Variants in TSEN54 observed in about 807,000 individuals in gnomAD.
TSEN54 encodes the protein tRNA-splicing endonuclease subunit Sen54.
TSEN54 carries 55 observed loss-of-function variants against 61.9 expected under a neutral mutation model. That is an observed-to-expected ratio of 0.89 (90% CI 0.72 to 1.11). The LOEUF is 1.11. Ranked by LOEUF, TSEN54 falls within the 50% of genes most tolerant of loss-of-function variation. The pLI, the probability that TSEN54 is intolerant of heterozygous loss-of-function variation, is 0.00. For missense variants in TSEN54, 760 were observed against 687.7 expected, an observed-to-expected ratio of 1.11 and a Z score of -1.18; for synonymous variants, 304 against 288.7, an observed-to-expected ratio of 1.05 and a Z score of -0.54.
At chr17:75,519,889 C>A (rs2053409862) in intron 6 of TSEN54, among the ~76,000 whole-genome samples, 1 of 152,200 alleles carries the variant, frequency 6.6e-6, no homozygotes, top group African/African-American at 2.4e-5. Flanking sequence ...CTTTTCTTTT[C>A]TGAAAGTGGA....
chr17:75,517,832 G>C (rs2053390323), intron 5 of TSEN54, among the ~76,000 whole-genome samples, 177 bp downstream of exon 5: 3 of 152,242 alleles, frequency 2.0e-5, no homozygotes, highest in African/African-American at 7.2e-5. Context: ...ATAGACCCCA[G>C]TGCTGTCAGA....
rs1001810738 is a variant in TSEN54 at position 75,524,656 on chromosome 17, A to G, written c.*244A>G. 1.6e-5 allele frequency: 10 copies of G among 615,052 alleles called. No homozygotes were observed. The highest frequency in any genetic ancestry group is 2.9e-5 in the Non-Finnish European group (10 of 339,708). The allele number at this position is 615,052 out of a possible 1,614,324, so 38.1% of individuals were successfully genotyped here. A position where few individuals can be genotyped will look rare whatever the true frequency, so the allele number is the denominator to read the frequency against. On this transcript the variant is annotated 3_prime_UTR_variant, in exon 11 of 11. Coordinates refer to ENST00000333213, the MANE Select transcript of TSEN54 (RefSeq NM_207346.3). ...TTAAGGACCCAGGAGGTGGGGCAGA[A>G]GAGAGGACTGTGTGCCTTTAACGAG...
chr17:75,523,382 A>C (rs1469490628), intron 9 of TSEN54, 47 bp downstream of exon 9: 1 of 1,613,244 alleles, frequency 6.2e-7, no homozygotes, highest in Non-Finnish European at 8.5e-7. Context: ...GACCGCCAGG[A>C]GTTGGTGGTT....
intron 10 of TSEN54, among the ~76,000 whole-genome samples, 182 bp from the exon 11 acceptor site, chr17:75,524,080 T>TC (rs1460544470): frequency 2.0e-5 from 3 of 152,198 alleles, no homozygotes; most frequent in Non-Finnish European, 2.9e-5. Flanking sequence ...ACCTTGCTCT[T>TC]CCTAGCACCT....
intron 6 of TSEN54, 114 bp from the exon 7 acceptor site, chr17:75,521,295 T>G: frequency 1.1e-6 from 1 of 880,260 alleles, no homozygotes; most frequent in South Asian, 1.4e-5. Context: ...CACTTGGGTG[T>G]GGCTCCGATC....
At chr17:75,519,068 C>T in intron 6 of TSEN54, 21 bp downstream of exon 6, 10 of 1,613,828 alleles carry the variant, frequency 6.2e-6, no homozygotes, top group Non-Finnish European at 7.6e-6. Context: ...TTCCTGTTCC[C>T]CTTCCATATA....
At chr17:75,517,786 G>C in intron 5 of TSEN54, 131 bp downstream of exon 5, 1 of 803,404 alleles carries the variant, frequency 1.2e-6, no homozygotes, top group Non-Finnish European at 2.1e-6. Context: ...ATGCTGTCAC[G>C]AGGCTTACAT....
In TSEN54 at chr17:75,521,265, G is replaced by C; in HGVS notation, c.522-144G>C. On this transcript the variant is annotated intron_variant, in intron 6 of 10. Coordinates refer to ENST00000333213, the MANE Select transcript of TSEN54 (RefSeq NM_207346.3). ...CTGGCTGGGCCTGTACCCCTCATGG[G>C]GGTCTGCTTAGGGCCTTAGCACTTG... 4 of 727,470 alleles carry C rather than the reference G, an allele frequency of 5.5e-6. No individual in the cohort carries two copies. In the East Asian group the frequency reaches 1.1e-4, roughly 20 times the overall value. The allele number at this position is 727,470 out of a possible 1,614,324, so 45.1% of individuals were successfully genotyped here.
In TSEN54 at chr17:75,522,481, C is replaced by T. The variant is rs532940084; in HGVS notation, c.1252+148C>T. 60 of 1,500,398 alleles carry T rather than the reference C, an allele frequency of 4.0e-5. No individual in the cohort carries two copies. The East Asian group carries it at 1.2e-3, about 30-fold the overall frequency. 92.9% of individuals were successfully genotyped at this position (1,500,398 alleles called of 1,614,324 possible). ...GGACCCACAAGCACGGTCAGTTCTCCGGCGGCTGCAGCAGGGCCTGTGTGG... is the reference window on the plus strand; with the variant it reads ...GGACCCACAAGCACGGTCAGTTCTCTGGCGGCTGCAGCAGGGCCTGTGTGG... On this transcript the variant is annotated intron_variant, in intron 8 of 10. Coordinates refer to ENST00000333213, the MANE Select transcript of TSEN54 (RefSeq NM_207346.3).
chr17:75,522,008 C>T lies in TSEN54; in HGVS notation c.927C>T (p.Asp309=). The T allele has an allele frequency of 1.3e-6, 2 of 1,588,466 alleles. No homozygotes were observed. Among genetic ancestry groups the T allele is most frequent in the Non-Finnish European group, 1.7e-6 (2 of 1,169,018 alleles). ...EQISFPNMAS[D]SRHTLLRAPA... is the part of the protein sequence containing the mutation. ...TCTCCTTCCCCAACATGGCTTCAGA[C>T]AGCCGCCACACCCTTCTGCGCGCCC... Residue 309 remains aspartate (D), a synonymous_variant, in exon 8 of 11, where the codon GAC becomes GAT. Transcript: ENST00000333213.
chr17:75,516,976 G>T, intron 2 of TSEN54, 33 bp from the exon 3 acceptor site: 1 of 1,559,018 alleles, frequency 6.4e-7, no homozygotes, highest in Non-Finnish European at 8.7e-7. Flanking sequence ...CTCCGGAATG[G>T]ACTGACGCAG....
intron 8 of TSEN54, chr17:75,522,874 TA>T (rs58545411): frequency 0.29 from 75,096 of 260,146 alleles, 3,469 homozygotes; most frequent in South Asian, 0.34. Context: ...ATGCTTATAC[TA>T]AAAAAAAAAA....
chr17:75,517,460 G>A lies in TSEN54; in HGVS notation c.370-97G>A, dbSNP rs2053384914. 4.1e-6 allele frequency: 5 copies of A among 1,227,560 alleles called. No homozygotes were observed. In the East Asian group the frequency reaches 9.3e-5, roughly 23 times the overall value. 76.0% of individuals were successfully genotyped at this position (1,227,560 alleles called of 1,614,324 possible). ...GGCCACATTCTTGATGCGCTGCTGA[G>A]AGGGGGAGGGGGAGGTATCAGAGCT... On this transcript the variant is annotated intron_variant, in intron 4 of 10. Transcript: ENST00000333213.
rs1266242324 is a variant in TSEN54 at position 75,522,030 on chromosome 17, GC to G, written c.953del (p.Pro318GlnfsTer24). Reference protein sequence around the residue: ...ASDSRHTLLRAPAPELLPANV... With the variant: ...ASDSRHTLLRXPAPELLPANV... ...AGACAGCCGCCACACCCTTCTGCGC[GC>G]CCCAGCCCCAGAGCTGCTCCCGGCC... On this transcript the variant is annotated frameshift_variant, in exon 8 of 11. Transcript: ENST00000333213. LOFTEE classifies it high-confidence loss of function. 7 of 1,591,734 alleles carry G rather than the reference GC, an allele frequency of 4.4e-6. No homozygotes were observed. The highest frequency in any genetic ancestry group is 6.0e-6 in the Non-Finnish European group (7 of 1,169,908).
chr17:75,517,274 G>T, intron 4 of TSEN54, 30 bp downstream of exon 4: 1 of 1,571,020 alleles, frequency 6.4e-7, no homozygotes, highest in Non-Finnish European at 8.6e-7. Context: ...TGGGGAAGGA[G>T]TTGGGACCAA....
In TSEN54 at chr17:75,518,974, ATTTTT is replaced by A. The variant is rs553358538; in HGVS notation, c.469-13_469-9del. The A allele has an allele frequency of 9.6e-5, 121 of 1,261,364 alleles. No homozygotes were observed. Among genetic ancestry groups the A allele is most frequent in the Non-Finnish European group, 1.3e-4 (116 of 903,280 alleles). The allele number at this position is 1,261,364 out of a possible 1,614,324, so 78.1% of individuals were successfully genotyped here. A position where few individuals can be genotyped will look rare whatever the true frequency, so the allele number is the denominator to read the frequency against. On this transcript the variant is annotated splice_polypyrimidine_tract_variant and intron_variant, in intron 5 of 10. Coordinates refer to ENST00000333213, the MANE Select transcript of TSEN54 (RefSeq NM_207346.3). Reference sequence around the variant, plus strand: ...TTCCAGAGTGGCCATCTGAGCTTTCATTTTTTTTTTTTCTTTTGAGGTCTTCAGCC... The same window carrying A: ...TTCCAGAGTGGCCATCTGAGCTTTCATTTTTTTCTTTTGAGGTCTTCAGCC...
At chr17:75,522,516 G>C (rs1030045459) in intron 8 of TSEN54, 183 bp downstream of exon 8, 223 of 1,471,214 alleles carry the variant, frequency 1.5e-4, no homozygotes, top group Non-Finnish European at 1.9e-4. Flanking sequence ...GGAAGGCTTA[G>C]AGATGGTGAG....
At chr17:75,517,101 CG>C in intron 3 of TSEN54, 29 bp downstream of exon 3, 2 of 1,548,724 alleles carry the variant, frequency 1.3e-6, no homozygotes, top group African/African-American at 1.4e-5. Context: ...GACCGGGGAC[CG>C]CCCTCCCTGC....
Position 75,524,508 on chromosome 17 carries a change from C to T in TSEN54, c.*96C>T, listed in dbSNP as rs747196545. ...GCTGCCTCCTGTACCCAGACTCTAACCTGTAGCTTCAGAGGCCAGTCTGGG... is the reference window on the plus strand; with the variant it reads ...GCTGCCTCCTGTACCCAGACTCTAATCTGTAGCTTCAGAGGCCAGTCTGGG... On this transcript the variant is annotated 3_prime_UTR_variant, in exon 11 of 11. Coordinates refer to ENST00000333213, the MANE Select transcript of TSEN54 (RefSeq NM_207346.3). 11 of 1,501,958 alleles carry T rather than the reference C, an allele frequency of 7.3e-6. No individual in the cohort carries two copies. The South Asian group carries it at 1.1e-4, about 15-fold the overall frequency. The allele number at this position is 1,501,958 out of a possible 1,614,324, so 93.0% of individuals were successfully genotyped here.
Sources: gnomAD v4.1 joint callset for allele counts (sites outside exome capture counted in the v4.1 genomes callset) on GRCh38, gnomAD v4.1.1 for gene constraint, MANE v1.5 for transcripts, NCBI Gene and HGNC (gene_info 2026-07-23, HGNC 2026-07-21) for gene names.